Variants in GABRG3 observed in about 807,000 individuals in gnomAD.
The protein encoded by GABRG3 is gamma-aminobutyric acid type A receptor subunit gamma3.
GABRG3 carries 25 observed loss-of-function variants against 48.8 expected under a neutral mutation model. The ratio of observed to expected loss-of-function variants is 0.51; its 90% CI spans 0.37 to 0.72. GABRG3 has a LOEUF of 0.72. GABRG3 is among the 30% of genes least tolerant of loss of function. GABRG3 has a pLI of 0.00. For missense variants in GABRG3, 394 were observed against 577.9 expected (o/e 0.68, Z 3.26); for synonymous variants, 227 against 217.6 (o/e 1.04, Z -0.38).
At chr15:27,292,703 C>A (rs889508912) in intron 3 of GABRG3, among the ~76,000 whole-genome samples, 6 of 152,088 alleles carry the variant, frequency 3.9e-5, no homozygotes, top group African/African-American at 1.4e-4. Context: ...CTTGAGTTAG[C>A]TGAAATGAGG....
At position 27,447,043 on chromosome 15, in the gene GABRG3, C is replaced by T. The variant is rs1173091366; in HGVS notation, c.575-33607C>T. Among the ~76,000 whole-genome samples, 1 of 152,142 alleles carries T rather than the reference C, an allele frequency of 6.6e-6. No individual in the cohort carries two copies. Among genetic ancestry groups the T allele is most frequent in the Non-Finnish European group, 1.5e-5 (1 of 68,028 alleles). On this transcript the variant is annotated intron_variant, in intron 5 of 9. Transcript: ENST00000615808. The surrounding 1 kb of genome is among the most constrained non-coding windows in gnomAD (Gnocchi z 4.0). ...TGCATTGAGGGTCTAGGGATGAACC[C>T]CACACAAAGCCTACATGGGAAGACA...
intron 5 of GABRG3, among the ~76,000 whole-genome samples, chr15:27,446,764 A>G (rs1424168270): frequency 6.6e-6 from 1 of 152,172 alleles, no homozygotes; most frequent in Non-Finnish European, 1.5e-5. Context: ...ACTAGGATGG[A>G]TGACTCTTTT....
chr15:27,100,625 A>G (rs1897339246), intron 3 of GABRG3, among the ~76,000 whole-genome samples: 2 of 152,236 alleles, frequency 1.3e-5, no homozygotes, highest in Admixed American at 1.3e-4. Flanking sequence ...AGAATTATAC[A>G]TCATGACCAG....
Position 27,436,995 on chromosome 15 carries a change from T to TAGAGAGAGAG in GABRG3, c.575-43626_575-43617dup, listed in dbSNP as rs10549691. Among the ~76,000 whole-genome samples, 637 of 130,566 alleles carry TAGAGAGAGAG rather than the reference T, an allele frequency of 4.9e-3. 6 individuals are homozygous for TAGAGAGAGAG. Among genetic ancestry groups the TAGAGAGAGAG allele is most frequent in the African/African-American group, 0.012 (438 of 35,304 alleles). The allele number at this position is 130,566 out of a possible 152,430, so 85.7% of individuals were successfully genotyped here. ...TGGGTGAGACTCCTTCTCCGAAAAA[T>TAGAGAGAGAG]AGAGAGAGAGAGAGAGAGAGAGAGA... On this transcript the variant is annotated intron_variant, in intron 5 of 9. Transcript: ENST00000615808.
rs1566956500 is a variant in GABRG3, at chr15:27,180,639, G to A, written c.271-146170G>A. Among the ~76,000 whole-genome samples, 1 of 152,138 alleles carries A rather than the reference G, an allele frequency of 6.6e-6. No individual in the cohort carries two copies. ...TGAACTTACACATTGTGCCATGTGTGTGTCTGTCTGTGTGTGTTTGTGTGT... is the reference window on the plus strand; with the variant it reads ...TGAACTTACACATTGTGCCATGTGTATGTCTGTCTGTGTGTGTTTGTGTGT... On this transcript the variant is annotated intron_variant, in intron 3 of 9. Coordinates refer to ENST00000615808, the MANE Select transcript of GABRG3 (RefSeq NM_033223.5). This position sits in a 1 kb window ranked among gnomAD's most constrained non-coding sequence, Gnocchi z 4.2.
intron 5 of GABRG3, among the ~76,000 whole-genome samples, chr15:27,454,817 T>TA (rs1220086957): frequency 6.6e-6 from 1 of 152,164 alleles, no homozygotes; most frequent in Non-Finnish European, 1.5e-5. Context: ...TGTCAACACA[T>TA]ACGTACGTTG....
At chr15:27,406,489 A>G (rs1419860752) in intron 5 of GABRG3, among the ~76,000 whole-genome samples, 3 of 152,224 alleles carry the variant, frequency 2.0e-5, no homozygotes, top group Non-Finnish European at 2.9e-5. Flanking sequence ...TGTGTTGAGA[A>G]TAGCAAATCA....
intron 3 of GABRG3, among the ~76,000 whole-genome samples, chr15:27,145,657 CTATCTATT>C (rs1388200295): frequency 0.013 from 1,960 of 147,736 alleles, 56 homozygotes; most frequent in African/African-American, 0.032. Flanking sequence ...ATCTATCTAT[CTATCTATT>C]GTGCCAGAAG....
At chr15:27,484,456 TAAAAA>T (rs1890173130) in intron 6 of GABRG3, among the ~76,000 whole-genome samples, 1 of 152,114 alleles carries the variant, frequency 6.6e-6, no homozygotes, top group Non-Finnish European at 1.5e-5. Context: ...TGTTATTAAT[TAAAAA>T]GAAGCTAAAT....
Position 27,230,393 on chromosome 15 carries a change from C to T in GABRG3, c.271-96416C>T, listed in dbSNP as rs12595620. The stretch of plus-strand genomic sequence containing the variant: ...CTGTCAGAATGTCACTATAGACGGC[C>T]GAGGAGGGGTATGGAAGACATACCC... On this transcript the variant is annotated intron_variant, in intron 3 of 9. Coordinates refer to ENST00000615808, the MANE Select transcript of GABRG3 (RefSeq NM_033223.5). Among the ~76,000 whole-genome samples the T allele has an allele frequency of 5.8e-3, 890 of 152,164 alleles. 28 individuals carry two copies. In the South Asian group the frequency reaches 0.071, roughly 12 times the overall value.
intron 3 of GABRG3, among the ~76,000 whole-genome samples, chr15:27,320,337 C>T (rs1327774058): frequency 6.6e-6 from 1 of 152,142 alleles, no homozygotes; most frequent in African/African-American, 2.4e-5. Flanking sequence ...GAATATGGGG[C>T]ATGGCGACTT....
At chr15:27,269,565 A>G (rs946103080) in intron 3 of GABRG3, among the ~76,000 whole-genome samples, 3 of 152,204 alleles carry the variant, frequency 2.0e-5, no homozygotes, top group Non-Finnish European at 4.4e-5. Context: ...TCTCCCTCCC[A>G]GCAAGTTTCA....
intron 6 of GABRG3, among the ~76,000 whole-genome samples, chr15:27,516,321 A>G (rs1891017610): frequency 6.6e-6 from 1 of 152,232 alleles, no homozygotes; most frequent in Non-Finnish European, 1.5e-5. Flanking sequence ...AAACATGGAA[A>G]TATACTTCAA....
At chr15:27,332,281 C>T (rs1168102382) in intron 5 of GABRG3, among the ~76,000 whole-genome samples, 1 of 152,018 alleles carries the variant, frequency 6.6e-6, no homozygotes, top group African/African-American at 2.4e-5. Context: ...TTTGGGAGGC[C>T]GAGGCGAGCA....
At chr15:27,436,810 G>A (rs1012916872) in intron 5 of GABRG3, among the ~76,000 whole-genome samples, 2 of 151,294 alleles carry the variant, frequency 1.3e-5, no homozygotes, top group African/African-American at 2.4e-5. Context: ...GAAAAGAACA[G>A]AGAACATTCA....
chr15:27,173,732 A>C (rs933809193), intron 3 of GABRG3, among the ~76,000 whole-genome samples: 2 of 151,168 alleles, frequency 1.3e-5, no homozygotes, highest in Non-Finnish European at 2.9e-5. Flanking sequence ...AAAATTAAAC[A>C]TTAGTGTGGC....
intron 5 of GABRG3, chr15:27,362,501 C>T (rs1255428583): frequency 6.6e-6 from 1 of 152,202 alleles, no homozygotes; most frequent in African/African-American, 2.4e-5. Flanking sequence ...CCTTATAATT[C>T]TGCAAAAGCA....
Position 27,535,088 on chromosome 15 carries a change from G to A in GABRG3, c.*2207G>A, listed in dbSNP as rs1276705599. 2.6e-5 allele frequency: 4 copies of A among 152,188 alleles called. No homozygotes were observed. The highest frequency in any genetic ancestry group is 5.9e-5 in the Non-Finnish European group (4 of 68,064). 9.4% of individuals were successfully genotyped at this position (152,188 alleles called of 1,614,324 possible). ...CGCCTTGGCAGAAGTATTCTGCAAG[G>A]ACCCTGACCAAAGGAATCCAAGTCA... On this transcript the variant is annotated 3_prime_UTR_variant, in exon 10 of 10. Transcript: ENST00000615808.
At chr15:27,038,419 G>A (rs1048310417) in intron 3 of GABRG3, among the ~76,000 whole-genome samples, 3 of 152,108 alleles carry the variant, frequency 2.0e-5, no homozygotes, top group African/African-American at 7.2e-5. Flanking sequence ...ATTCTTTTGA[G>A]GCATCAAATT....
Sources: gnomAD v4.1 joint callset for allele counts (sites outside exome capture counted in the v4.1 genomes callset) on GRCh38, gnomAD v4.1.1 for gene constraint, Gnocchi (gnomAD v3.1) non-coding constraint, MANE v1.5 for transcripts, NCBI Gene and HGNC (gene_info 2026-07-23, HGNC 2026-07-21) for gene names.